The following CEP295 variants were observed in gnomAD, a reference collection of about 807,000 sequenced individuals.
CEP295 encodes centrosomal protein 295, also known as centrosomal protein of 295 kDa.
Under a neutral mutation model 291.6 loss-of-function variants are expected in CEP295, and 190 were observed. The ratio of observed to expected loss-of-function variants is 0.65; its 90% CI spans 0.58 to 0.73. The LOEUF (loss-of-function observed/expected upper bound fraction) is 0.73. CEP295 is among the 30% of genes least tolerant of loss of function. The probability of loss-of-function intolerance (pLI) is 0.00; values close to 1 mark genes in which losing one functional copy is unlikely to be tolerated. For synonymous variants in CEP295, 993 were observed against 1,038.8 expected, an observed-to-expected ratio of 0.96 and a Z score of 0.85; for missense variants, 2,863 against 2,949.4, an observed-to-expected ratio of 0.97 and a Z score of 0.68.
intron 17 of CEP295, among the ~76,000 whole-genome samples, chr11:93,703,474 T>C (rs916358992): frequency 1.3e-5 from 2 of 152,256 alleles, no homozygotes; most frequent in African/African-American, 2.4e-5. Context: ...AAACAACTTA[T>C]TGTAGGCAAA....
Position 93,699,552 on chromosome 11 carries a change from GCTC to G in CEP295, c.4644_4646del (p.Ser1550del). ...AAAAGGGTATCATCTGAACAAGTTT[GCTC>G]CTCTTCATTTGTATCCCAGGTGCCT... On this transcript the variant is annotated inframe_deletion, in exon 15 of 30. Coordinates refer to ENST00000325212, the MANE Select transcript of CEP295 (RefSeq NM_033395.2). 1 of 1,551,854 alleles carries G rather than the reference GCTC, an allele frequency of 6.4e-7. No individual in the cohort carries two copies. The highest frequency in any genetic ancestry group is 1.4e-5 in the African/African-American group (1 of 73,158).
At chr11:93,662,261 C>T (rs750986070) in intron 1 of CEP295, among the ~76,000 whole-genome samples, 11 of 152,232 alleles carry the variant, frequency 7.2e-5, no homozygotes, top group Non-Finnish European at 1.5e-4. Context: ...ACTTTTGAGT[C>T]CTTAATACTT....
Position 93,697,181 on chromosome 11 carries a change from G to A in CEP295, c.2269G>A (p.Ala757Thr), listed in dbSNP as rs1249599825. ...DARKISETFG[A>T]TTFQSLESQQ... ...TAGAAAAATATCTGAAACATTTGGG[G>A]CAACAACTTTTCAAAGTTTAGAATC... The change falls in exon 15 of 30, where the codon GCA becomes ACA. Residue 757 changes from alanine (A) to threonine (T), a missense_variant. Physicochemically the swap from Ala to Thr is moderately conservative, Grantham distance 58 (BLOSUM62 0). Around this residue, in one of 3 missense-constraint regions of CEP295, gnomAD observed 2,295 missense variants for 2,335.7 expected, o/e 0.98. Transcript: ENST00000325212. 6.4e-7 allele frequency: 1 copy of A among 1,551,818 alleles called. No individual in the cohort carries two copies. Among genetic ancestry groups the A allele is most frequent in the Non-Finnish European group, 8.7e-7 (1 of 1,147,040 alleles).
intron 6 of CEP295, among the ~76,000 whole-genome samples, chr11:93,678,582 T>G (rs938837272): frequency 6.6e-6 from 1 of 152,210 alleles, no homozygotes; most frequent in Non-Finnish European, 1.5e-5. Context: ...CTTTTACTGC[T>G]GGTTACATTT....
At position 93,722,039 on chromosome 11, in the gene CEP295, T is replaced by TA. The variant is rs1953770714; in HGVS notation, c.5936_5937insA (p.Thr1980TyrfsTer12). The TA allele has an allele frequency of 6.5e-7, 1 of 1,548,270 alleles. No individual in the cohort carries two copies. Among genetic ancestry groups the TA allele is most frequent in the African/African-American group, 1.4e-5 (1 of 73,002 alleles). The stretch of plus-strand genomic sequence containing the variant: ...AGTTATGAAAACACAGATTTGAGCC[T>TA]TACAGATCCAGGTAATAAGGTCAAA... On this transcript the variant is annotated frameshift_variant, in exon 20 of 30. Transcript: ENST00000325212. LOFTEE classifies it high-confidence loss of function.
rs141485390 is a variant in CEP295, at chr11:93,728,329, C to T, written c.7162-352C>T. ...GGCCCACATTTGGTAGCAGCCCAGT[C>T]GACCCCTGCTCCCTTTAAAGGATAC... On this transcript the variant is annotated intron_variant, in intron 24 of 29. Transcript: ENST00000325212. The T allele has an allele frequency of 6.3e-3, 1,063 of 169,886 alleles. 17 individuals are homozygous for T. Among genetic ancestry groups the T allele is most frequent in the African/African-American group, 0.024 (1,011 of 42,270 alleles). The allele number at this position is 169,886 out of a possible 1,614,324, so 10.5% of individuals were successfully genotyped here. A position where few individuals can be genotyped will look rare whatever the true frequency, so the allele number is the denominator to read the frequency against.
At chr11:93,692,528 C>G (rs1400885856) in intron 12 of CEP295, among the ~76,000 whole-genome samples, 1 of 152,156 alleles carries the variant, frequency 6.6e-6, no homozygotes, top group Non-Finnish European at 1.5e-5. Context: ...GTGACACGAT[C>G]ATCGCTCACT....
chr11:93,728,956 T>A, intron 25 of CEP295, 135 bp downstream of exon 25: 1 of 707,604 alleles, frequency 1.4e-6, no homozygotes, highest in African/African-American at 1.8e-5. Context: ...CCACCAGCTC[T>A]CAATTTGTCT....
At position 93,697,302 on chromosome 11, in the gene CEP295, C is replaced by T; in HGVS notation, c.2390C>T (p.Ser797Phe). The T allele has an allele frequency of 6.4e-7, 1 of 1,551,748 alleles. No individual in the cohort carries two copies. The highest frequency in any genetic ancestry group is 8.7e-7 in the Non-Finnish European group (1 of 1,147,004). ...VPLVPQHSFS[S>F]LPVKVESGKI... ...CTGGTACCTCAGCATTCTTTTAGTT[C>T]TCTGCCTGTTAAAGTTGAGTCAGGA... Residue 797 changes from serine to phenylalanine, a missense_variant, in exon 15 of 30, where the codon TCT becomes TTT. By Grantham distance (155) the Ser-to-Phe change is radical. Transcript: ENST00000325212.
intron 18 of CEP295, among the ~76,000 whole-genome samples, chr11:93,718,068 C>G (rs528593336): frequency 6.7e-4 from 102 of 152,258 alleles, no homozygotes; most frequent in Admixed American, 5.7e-3. Flanking sequence ...TGCACCACCC[C>G]ACCCGGTTAA....
intron 6 of CEP295, among the ~76,000 whole-genome samples, chr11:93,678,985 T>A (rs1950833852): frequency 6.6e-6 from 1 of 152,090 alleles, no homozygotes. Flanking sequence ...GCCTCACGAG[T>A]AGCTGGGATT....
At chr11:93,724,992 T>C (rs586655) in intron 22 of CEP295, among the ~76,000 whole-genome samples, 140,197 of 152,176 alleles carry the variant, frequency 0.92, 65,364 homozygotes, top group East Asian at 0.99. Context: ...CGGTGGCTCA[T>C]GCCTGTAATC....
chr11:93,723,317 A>G, intron 21 of CEP295, 28 bp downstream of exon 21: 1 of 1,407,412 alleles, frequency 7.1e-7, no homozygotes, highest in Non-Finnish European at 9.6e-7. Context: ...CAATACTTTT[A>G]TGTAAATTAA....
rs1951939958 is a variant in CEP295, at chr11:93,698,020, C to T, written c.3108C>T (p.Ile1036=). 3 of 1,551,774 alleles carry T rather than the reference C, an allele frequency of 1.9e-6. No homozygotes were observed. The highest frequency in any genetic ancestry group is 4.9e-5 in the East Asian group (2 of 40,924). The stretch of plus-strand genomic sequence containing the variant: ...GACTTGTTTCATGCCAATCTGACAT[C>T]CCCATATCTCAGGATGGGTCTTTGA... ...EKGLVSCQSD[I]PISQDGSLSF... is the part of the protein sequence containing the mutation. Residue 1036 remains isoleucine, a synonymous_variant, in exon 15 of 30, where the codon ATC becomes ATT. Transcript: ENST00000325212.
In CEP295 at chr11:93,721,665, G is replaced by GGTGTGT. The variant is rs59894789; in HGVS notation, c.5851-258_5851-253dup. On this transcript the variant is annotated intron_variant, in intron 19 of 29. Transcript: ENST00000325212. ...TGTAAAACAATAAGGGCATATGTCT[G>GGTGTGT]GTGTGTGTGTGTGTGTGTGTGTGTG... 4,952 of 606,510 alleles carry GGTGTGT rather than the reference G, an allele frequency of 8.2e-3. 32 individuals carry two copies. The highest frequency in any genetic ancestry group is 7.5e-3 in the South Asian group (503 of 67,426). The allele number at this position is 606,510 out of a possible 1,614,324, so 37.6% of individuals were successfully genotyped here.
rs1318228472 is a variant in CEP295 at position 93,698,917 on chromosome 11, T to C, written c.4005T>C (p.Asp1335=). 5.8e-6 allele frequency: 9 copies of C among 1,551,686 alleles called. No individual in the cohort carries two copies. Among genetic ancestry groups the C allele is most frequent in the Admixed American group, 3.9e-5 (2 of 50,996 alleles). The change falls in exon 15 of 30, where the codon GAT becomes GAC. Residue 1335 remains aspartate, a synonymous_variant. Transcript: ENST00000325212. ...SSHLQIPQLQ[D]RLLRISQLIQ... ...ACCTTCAGATCCCACAATTGCAGGA[T>C]AGGCTTTTGAGGATATCGCAACTTA...
chr11:93,698,879 AT>A lies in CEP295; in HGVS notation c.3973del (p.Ser1325GlnfsTer14), dbSNP rs1417812264. ...TCTTTTTACAGAGAGTGAAAGTAAA[AT>A]TTTTTCAAGCCACCTTCAGATCCCA... ...EPLFTESESK[I>X]FSSHLQIPQL... On this transcript the variant is annotated frameshift_variant, in exon 15 of 30. Transcript: ENST00000325212. LOFTEE classifies it high-confidence loss of function. 6.4e-7 allele frequency: 1 copy of A among 1,551,556 alleles called. No homozygotes were observed. Among genetic ancestry groups the A allele is most frequent in the Admixed American group, 2.0e-5 (1 of 50,982 alleles).
At position 93,682,285 on chromosome 11, in the gene CEP295, G is replaced by A. The variant is rs192451196; in HGVS notation, c.766-1274G>A. Among the ~76,000 whole-genome samples, 59 of 152,112 alleles carry A rather than the reference G, an allele frequency of 3.9e-4. No individual in the cohort carries two copies. In the South Asian group the frequency reaches 5.0e-3, roughly 13 times the overall value. On this transcript the variant is annotated intron_variant, in intron 7 of 29. Transcript: ENST00000325212. ...GTTGCCCAGGGTAGAGTTCAGTGGC[G>A]TGATCTTGGCTCACTGCAACCTCTG... is the stretch of plus-strand genomic sequence containing the variant.
Position 93,699,539 on chromosome 11 carries a change from T to C in CEP295, c.4627T>C (p.Ser1543Pro). 3.2e-6 allele frequency: 5 copies of C among 1,551,886 alleles called. No individual in the cohort carries two copies. Among genetic ancestry groups the C allele is most frequent in the Non-Finnish European group, 4.4e-6 (5 of 1,147,088 alleles). ...AAGTGAATTGGAGAAAAGGGTATCATCTGAACAAGTTTGCTCCTCTTCATT... is the reference window on the plus strand; with the variant it reads ...AAGTGAATTGGAGAAAAGGGTATCACCTGAACAAGTTTGCTCCTCTTCATT... ...RLSELEKRVS[S>P]EQVCSSSFVS... Residue 1543 changes from serine to proline, a missense_variant, in exon 15 of 30, where the codon TCT becomes CCT. By Grantham distance (74) the Ser-to-Pro change is moderately conservative (BLOSUM62 -1). This residue lies in a region of CEP295 where 2,295 missense variants were observed against 2,335.7 expected (regional missense o/e 0.98). Coordinates refer to ENST00000325212, the MANE Select transcript of CEP295 (RefSeq NM_033395.2).
Sources: gnomAD v4.1 joint callset for allele counts (sites outside exome capture counted in the v4.1 genomes callset) on GRCh38, gnomAD v4.1.1 for gene constraint, gnomAD v4.1.1 regional missense constraint, MANE v1.5 for transcripts, NCBI Gene and HGNC (gene_info 2026-07-23, HGNC 2026-07-21) for gene names.